SSBP4: variants seen among roughly 807,000 people sequenced by gnomAD.
SSBP4 encodes single stranded DNA binding protein 4.
A neutral mutation model predicts 64.6 loss-of-function variants in SSBP4; 33 were observed. That is an observed-to-expected ratio of 0.51 (90% CI 0.39 to 0.68). The LOEUF (loss-of-function observed/expected upper bound fraction) is 0.68, where lower values mean the gene tolerates loss of function less well. SSBP4 is among the 30% of genes least tolerant of loss of function. SSBP4 has a pLI of 0.00. For synonymous variants in SSBP4, 243 were observed against 224.0 expected, an observed-to-expected ratio of 1.08 and a Z score of -0.76; for missense variants, 583 against 566.8, an observed-to-expected ratio of 1.03 and a Z score of -0.29.
At chr19:18,409,218 G>A in the SSBP4 span, among the ~76,000 whole-genome samples, 1 of 139,448 alleles carries the variant, frequency 7.2e-6, no homozygotes, top group Non-Finnish European at 1.5e-5. Context: ...ACAGAGTCTC[G>A]CTCTGTCATC....
chr19:18,434,070 T>A, intron 17 of SSBP4, 147 bp from the exon 18 acceptor site: 1 of 1,083,792 alleles, frequency 9.2e-7, no homozygotes, highest in Non-Finnish European at 1.1e-6. Flanking sequence ...TTCCCATGCA[T>A]CGCCCCTCCC....
chr19:18,431,487 T>C, intron 6 of SSBP4, 69 bp downstream of exon 6: 1 of 1,114,384 alleles, frequency 9.0e-7, no homozygotes, highest in Non-Finnish European at 1.3e-6. Context: ...CCTCCCACCC[T>C]CAAGCCATGA....
chr19:18,433,233 C>T lies in SSBP4; in HGVS notation c.991+20C>T. On this transcript the variant is annotated intron_variant, in intron 15 of 17. Transcript: ENST00000270061. Reference sequence around the variant, plus strand: ...CCCTGGGTGAGTGGGCGTCCCTGCTCCCGCCCACGTTGCCTTCCGGGCCCG... The same window carrying T: ...CCCTGGGTGAGTGGGCGTCCCTGCTTCCGCCCACGTTGCCTTCCGGGCCCG... 5 of 1,548,618 alleles carry T rather than the reference C, an allele frequency of 3.2e-6. No individual in the cohort carries two copies. Among genetic ancestry groups the T allele is most frequent in the East Asian group, 2.4e-5 (1 of 40,972 alleles).
intron 4 of SSBP4, among the ~76,000 whole-genome samples, chr19:18,428,701 G>C (rs964657913): frequency 2.0e-5 from 3 of 152,130 alleles, no homozygotes; most frequent in Non-Finnish European, 4.4e-5. Context: ...CCTACCCCCT[G>C]TGCGCCAGAG....
At chr19:18,417,597 G>A (rs1462375783), upstream of SSBP4, among the ~76,000 whole-genome samples, 4 of 152,168 alleles carry the variant, frequency 2.6e-5, no homozygotes, top group African/African-American at 9.6e-5. This position sits in a 1 kb window ranked among gnomAD's most constrained non-coding sequence, Gnocchi z 5.4. Flanking sequence ...CACGCCCCCC[G>A]TGGTCCCCCA....
At chr19:18,415,948 T>G (rs1972128044), upstream of SSBP4, among the ~76,000 whole-genome samples, 1 of 152,094 alleles carries the variant, frequency 6.6e-6, no homozygotes, top group Non-Finnish European at 1.5e-5. Context: ...CTGGGCCCCT[T>G]CCCCGGGGCA....
intron 5 of SSBP4, 106 bp downstream of exon 5, chr19:18,431,036 G>A: frequency 7.5e-7 from 1 of 1,342,056 alleles, no homozygotes; most frequent in African/African-American, 1.4e-5. Flanking sequence ...GCAGGCTGGA[G>A]TTGGGTGGGA....
intron 4 of SSBP4, among the ~76,000 whole-genome samples, chr19:18,428,600 G>A (rs1973042878): frequency 1.3e-5 from 2 of 152,142 alleles, no homozygotes; most frequent in Non-Finnish European, 2.9e-5. Flanking sequence ...TTCATCCTCT[G>A]CGCTGGACCA....
upstream of SSBP4, among the ~76,000 whole-genome samples, chr19:18,414,020 A>AAAAC (rs147303113): frequency 0.41 from 61,370 of 150,846 alleles, 13,890 homozygotes; most frequent in African/African-American, 0.62. Context: ...CCATCTCAAA[A>AAAAC]AAACAAACAA....
Position 18,425,311 on chromosome 19 carries a change from C to T in SSBP4, c.60-2040C>T, listed in dbSNP as rs149106780. On this transcript the variant is annotated intron_variant, in intron 1 of 17. Transcript: ENST00000270061. ...CCCGCTGCCCCCGCCCTCCCGGGGC[C>T]GCTCACCAGCGTTCCTGCAACTCTG... Among the ~76,000 whole-genome samples, 118 of 152,248 alleles carry T rather than the reference C, an allele frequency of 7.8e-4. 1 individual carries two copies. The highest frequency in any genetic ancestry group is 3.4e-3 in the Middle Eastern group (1 of 294).
intron 4 of SSBP4, among the ~76,000 whole-genome samples, chr19:18,429,140 C>T (rs1445240734): frequency 6.6e-6 from 1 of 152,142 alleles, no homozygotes; most frequent in Non-Finnish European, 1.5e-5. Flanking sequence ...CTCGTCATGC[C>T]GGGCCGTCGC....
At chr19:18,408,642 G>A in the SSBP4 span, among the ~76,000 whole-genome samples, 627 of 152,126 alleles carry the variant, frequency 4.1e-3, 2 homozygotes, top group African/African-American at 0.014. Context: ...ATAGGCGCCC[G>A]CCATCGCACC....
rs772284920 is a variant in SSBP4, at chr19:18,430,916, G to T, written c.355G>T (p.Ala119Ser). Residue 119 changes from alanine (A) to serine (S), a missense_variant, in exon 5 of 18, where the codon GCT (alanine) becomes TCT (serine). Ala to Ser is a moderately conservative substitution (Grantham distance 99). Around this residue, in one of 5 missense-constraint regions of SSBP4, gnomAD observed 444 missense variants for 386.6 expected, o/e 1.15. Transcript: ENST00000270061. The stretch of plus-strand genomic sequence containing the variant: ...CACAATGGCCGCAGGCTCCATGGCG[G>T]CTGGCTTCTTCCAGGTATGGCCCCG... The part of the protein sequence containing the change: ...GDTMAAGSMA[A>S]GFFQGPPGSQ... The T allele has an allele frequency of 6.2e-7, 1 of 1,612,630 alleles. No homozygotes were observed. The highest frequency in any genetic ancestry group is 2.2e-5 in the East Asian group (1 of 44,858).
chr19:18,422,787 C>T (rs375103074), intron 1 of SSBP4, among the ~76,000 whole-genome samples: 1 of 152,232 alleles, frequency 6.6e-6, no homozygotes, highest in African/African-American at 2.4e-5. Flanking sequence ...GCCTCGGTTT[C>T]CTTCTCTGTG....
At chr19:18,431,030 G>A (rs1276363540) in intron 5 of SSBP4, 100 bp downstream of exon 5, 13 of 1,390,740 alleles carry the variant, frequency 9.3e-6, no homozygotes, top group Non-Finnish European at 1.3e-5. Context: ...AGGCCGGCAG[G>A]CTGGAGTTGG....
At position 18,419,639 on chromosome 19, in the gene SSBP4, G is replaced by A. The variant is rs930792966; in HGVS notation, c.-10G>A. 2.4e-6 allele frequency: 3 copies of A among 1,263,362 alleles called. No homozygotes were observed. Among genetic ancestry groups the A allele is most frequent in the Non-Finnish European group, 2.0e-6 (2 of 999,564 alleles). 78.3% of individuals were successfully genotyped at this position (1,263,362 alleles called of 1,614,324 possible). On this transcript the variant is annotated 5_prime_UTR_variant, in exon 1 of 18. In the 5' UTR this introduces an upstream ATG that the reference lacks. Transcript: ENST00000270061. ...AGGTGTGGGCCCCGGCGGCGGCGGC[G>A]TGGAGCAGCATGTACGCCAAGGGGG...
chr19:18,414,823 G>A (rs903596842), upstream of SSBP4, among the ~76,000 whole-genome samples: 27 of 152,282 alleles, frequency 1.8e-4, no homozygotes, highest in African/African-American at 6.5e-4. Flanking sequence ...GTGGCTTGGA[G>A]GGGTCACTGA....
intron 10 of SSBP4, 76 bp from the exon 11 acceptor site, chr19:18,432,483 G>C (rs1973493578): frequency 6.0e-6 from 9 of 1,506,210 alleles, no homozygotes; most frequent in Non-Finnish European, 8.0e-6. Context: ...AGTGGAGCAG[G>C]GTGTGGGGGG....
the SSBP4 span, among the ~76,000 whole-genome samples, chr19:18,410,484 G>T: frequency 3.9e-5 from 6 of 152,134 alleles, no homozygotes; most frequent in African/African-American, 1.4e-4. Flanking sequence ...AAAAAAATAT[G>T]GACAAACAAG....
Sources: gnomAD v4.1 joint callset for allele counts (sites outside exome capture counted in the v4.1 genomes callset) on GRCh38, gnomAD v4.1.1 for gene constraint, gnomAD v4.1.1 regional missense constraint, Gnocchi (gnomAD v3.1) non-coding constraint, MANE v1.5 for transcripts, NCBI Gene and HGNC (gene_info 2026-07-23, HGNC 2026-07-21) for gene names.